SGCG: variants seen among roughly 807,000 people sequenced by gnomAD.
SGCG encodes the protein sarcoglycan gamma.
A neutral mutation model predicts 29.3 loss-of-function variants in SGCG; 26 were observed. The observed-to-expected ratio is 0.89, with a 90% CI of 0.65 to 1.23. The LOEUF (loss-of-function observed/expected upper bound fraction) is 1.23, where lower values mean the gene tolerates loss of function less well. SGCG is among the 50% of genes most tolerant of loss of function. SGCG has a pLI of 0.00. For missense variants in SGCG, 353 were observed against 356.0 expected (o/e 0.99, Z 0.07); for synonymous variants, 145 against 129.7 (o/e 1.12, Z -0.80).
chr13:23,163,493 A>T, the SGCG span, among the ~76,000 whole-genome samples: 72 of 152,238 alleles, frequency 4.7e-4, 1 homozygote, highest in African/African-American at 1.6e-3. Flanking sequence ...TGAAGAGGGG[A>T]CCCAGTTCTG....
At chr13:23,253,056 G>A (rs191746307) in intron 4 of SGCG, among the ~76,000 whole-genome samples, 1 of 151,934 alleles carries the variant, frequency 6.6e-6, no homozygotes, top group East Asian at 1.9e-4. Context: ...AAATTACCAG[G>A]GGTTTTAAAG....
intron 1 of SGCG, among the ~76,000 whole-genome samples, chr13:23,202,004 T>C (rs947495114): frequency 2.0e-5 from 3 of 152,122 alleles, no homozygotes; most frequent in Non-Finnish European, 4.4e-5. Flanking sequence ...GGAGATGGCA[T>C]GTGTGCTGCT....
intron 5 of SGCG, among the ~76,000 whole-genome samples, chr13:23,284,513 T>C (rs1311085852): frequency 6.6e-6 from 1 of 152,212 alleles, no homozygotes; most frequent in Non-Finnish European, 1.5e-5. Context: ...TCTAACCTTT[T>C]TTCAAGGTTC....
chr13:23,316,782 C>T (rs1225339174), intron 6 of SGCG, among the ~76,000 whole-genome samples: 1 of 152,184 alleles, frequency 6.6e-6, no homozygotes, highest in African/African-American at 2.4e-5. Flanking sequence ...CACCAGGAGA[C>T]ACAACAATGA....
intron 4 of SGCG, among the ~76,000 whole-genome samples, chr13:23,277,580 A>C (rs953218751): frequency 7.2e-5 from 11 of 152,202 alleles, no homozygotes; most frequent in Non-Finnish European, 1.3e-4. Flanking sequence ...TCAATGCATT[A>C]ATAGAAAGGC....
intron 4 of SGCG, among the ~76,000 whole-genome samples, chr13:23,256,874 A>G (rs958872845): frequency 6.6e-6 from 1 of 152,178 alleles, no homozygotes; most frequent in African/African-American, 2.4e-5. Context: ...CATGACTTAC[A>G]ATCTTTTGGG....
intron 5 of SGCG, among the ~76,000 whole-genome samples, chr13:23,288,489 C>T (rs1245331195): frequency 6.6e-6 from 1 of 152,158 alleles, no homozygotes. Context: ...TAAAACCTCT[C>T]TTTAATTCTT....
chr13:23,269,042 A>G (rs1038635717), intron 4 of SGCG: 2 of 152,228 alleles, frequency 1.3e-5, no homozygotes, highest in Non-Finnish European at 2.9e-5. Flanking sequence ...CTAACTTTAT[A>G]TGATAATGTA....
chr13:23,199,630 C>G (rs540388108), intron 1 of SGCG, among the ~76,000 whole-genome samples: 1 of 152,222 alleles, frequency 6.6e-6, no homozygotes, highest in Admixed American at 6.5e-5. Flanking sequence ...TCATGCTTAT[C>G]TAGAGTAAAA....
chr13:23,256,493 A>G (rs1256274794), intron 4 of SGCG, among the ~76,000 whole-genome samples: 1 of 152,102 alleles, frequency 6.6e-6, no homozygotes, highest in Non-Finnish European at 1.5e-5. Context: ...CTCGTCATGT[A>G]CATTAGGTAT....
At chr13:23,279,734 T>TCC (rs1423308565) in intron 5 of SGCG, among the ~76,000 whole-genome samples, 2 of 101,362 alleles carry the variant, frequency 2.0e-5, no homozygotes, top group East Asian at 2.4e-4. Context: ...TTCCTTCTTT[T>TCC]TTTTTTCTTT....
At chr13:23,235,831 T>C (rs1018752009) in intron 3 of SGCG, among the ~76,000 whole-genome samples, 9 of 152,196 alleles carry the variant, frequency 5.9e-5, no homozygotes, top group African/African-American at 2.2e-4. Flanking sequence ...CCAGCCACTA[T>C]AGGAGAATTA....
intron 1 of SGCG, among the ~76,000 whole-genome samples, chr13:23,199,332 A>T (rs1008289665): frequency 1.2e-4 from 19 of 152,240 alleles, no homozygotes; most frequent in Non-Finnish European, 1.9e-4. Context: ...TTATAAGAAG[A>T]CCACAAAGTG....
At chr13:23,218,035 A>AT (rs1024555210) in intron 2 of SGCG, among the ~76,000 whole-genome samples, 2 of 152,154 alleles carry the variant, frequency 1.3e-5, no homozygotes, top group African/African-American at 4.8e-5. Flanking sequence ...GTAATTTGGC[A>AT]TTTTTCTGAA....
At chr13:23,320,597 C>CTTTTTT (rs67528585) in intron 6 of SGCG, 40 bp from the exon 7 acceptor site, 4 of 1,322,858 alleles carry the variant, frequency 3.0e-6, no homozygotes, top group African/African-American at 3.3e-5. Flanking sequence ...ATTTTTAATA[C>CTTTTTT]TTTTTTTTTT....
At chr13:23,252,734 A>G (rs1880023281) in intron 4 of SGCG, among the ~76,000 whole-genome samples, 1 of 152,282 alleles carries the variant, frequency 6.6e-6, no homozygotes, top group East Asian at 1.9e-4. Flanking sequence ...GTTAATTAGT[A>G]CAAGTACACA....
chr13:23,206,246 T>C (rs1337887778), intron 2 of SGCG, among the ~76,000 whole-genome samples: 1 of 152,192 alleles, frequency 6.6e-6, no homozygotes, highest in Non-Finnish European at 1.5e-5. Flanking sequence ...ATAGGTACAA[T>C]GTTGTACAGC....
intron 6 of SGCG, among the ~76,000 whole-genome samples, chr13:23,310,378 G>GC (rs1391900645): frequency 1.3e-5 from 2 of 152,152 alleles, no homozygotes; most frequent in Admixed American, 6.5e-5. Context: ...GAGCCACCGC[G>GC]CCGGGCCTGA....
chr13:23,160,855 C>A, the SGCG span, among the ~76,000 whole-genome samples: 15 of 152,034 alleles, frequency 9.9e-5, no homozygotes, highest in Non-Finnish European at 1.5e-5. Context: ...CCCCTGCCCC[C>A]TTGTGGGGGC....
Sources: gnomAD v4.1 joint callset for allele counts (sites outside exome capture counted in the v4.1 genomes callset) on GRCh38, gnomAD v4.1.1 for gene constraint, MANE v1.5 for transcripts, NCBI Gene and HGNC (gene_info 2026-07-23, HGNC 2026-07-21) for gene names.